The following PTPRN2 variants were observed in gnomAD, a reference collection of about 807,000 sequenced individuals.
PTPRN2 encodes protein tyrosine phosphatase receptor type N2.
In PTPRN2, 74 loss-of-function variants were observed where a neutral mutation model predicts 118.8. That is an observed-to-expected ratio of 0.62 (90% confidence interval 0.52 to 0.76). The LOEUF is 0.76. PTPRN2 is among the 30% of genes least tolerant of loss of function. PTPRN2 has a pLI of 0.00. For missense variants in PTPRN2, 1,481 were observed against 1,394.4 expected (o/e 1.06, Z -0.99); for synonymous variants, 641 against 608.0 (o/e 1.05, Z -0.80).
At chr7:157,908,588 C>G (rs1229365268) in intron 11 of PTPRN2, among the ~76,000 whole-genome samples, 3 of 152,250 alleles carry the variant, frequency 2.0e-5, no homozygotes, top group African/African-American at 7.2e-5. Context: ...CCCACAATCC[C>G]TTTCACTTTT....
chr7:158,291,796 G>A (rs1040390304), intron 3 of PTPRN2, among the ~76,000 whole-genome samples: 16 of 152,260 alleles, frequency 1.1e-4, no homozygotes, highest in African/African-American at 3.6e-4. Flanking sequence ...TTTACTCTTA[G>A]AGCCAGCTAA....
intron 3 of PTPRN2, among the ~76,000 whole-genome samples, chr7:158,235,624 T>C (rs1268143422): frequency 7.9e-5 from 12 of 152,148 alleles, no homozygotes; most frequent in Admixed American, 7.9e-4. Flanking sequence ...GGAGAGACAT[T>C]GACTAATGGC....
chr7:157,795,594 G>A (rs1046554919), intron 12 of PTPRN2, among the ~76,000 whole-genome samples: 1 of 152,232 alleles, frequency 6.6e-6, no homozygotes, highest in Non-Finnish European at 1.5e-5. Flanking sequence ...AACTAACGTT[G>A]CTGAGGTTGA....
At chr7:158,352,245 CGCTCCCCTCCTGACT>C (rs1425222708) in intron 2 of PTPRN2, among the ~76,000 whole-genome samples, 17 of 51,004 alleles carry the variant, frequency 3.3e-4, no homozygotes, top group Non-Finnish European at 5.0e-4. Flanking sequence ...CCCTCCTGTC[CGCTCCCCTCCTGACT>C]GCTCCCCTCC....
chr7:158,148,519 C>G (rs1304990737), intron 6 of PTPRN2, among the ~76,000 whole-genome samples: 201 of 128,974 alleles, frequency 1.6e-3, no homozygotes, highest in Non-Finnish European at 2.4e-3. Context: ...TCACTGACAC[C>G]CCATCTCACG....
chr7:157,868,607 C>T lies in PTPRN2; in HGVS notation c.1788+30066G>A, dbSNP rs969749267. The T allele has an allele frequency of 1.3e-5, 2 of 152,198 alleles. No individual in the cohort carries two copies. Among genetic ancestry groups the T allele is most frequent in the African/African-American group, 4.8e-5 (2 of 41,428 alleles). 9.4% of individuals were successfully genotyped at this position (152,198 alleles called of 1,614,324 possible). ...GGAGAAAAAGGTGCAGCCCATTTCC[C>T]AGCCTGAGGACTGGCCGGGGAAATA... On this transcript the variant is annotated intron_variant, in intron 12 of 22. Transcript: ENST00000389418. The surrounding 1 kb of genome is among the most constrained non-coding windows in gnomAD (Gnocchi z 5.2).
chr7:157,672,917 C>G (rs1221887966), intron 13 of PTPRN2, among the ~76,000 whole-genome samples: 1 of 152,234 alleles, frequency 6.6e-6, no homozygotes, highest in Non-Finnish European at 1.5e-5. Context: ...GAGGCGCACA[C>G]TAGCACAGAC....
At position 158,131,049 on chromosome 7, in the gene PTPRN2, T is replaced by TACAG. The variant is rs1473428881; in HGVS notation, c.1556+2624_1556+2627dup. Among the ~76,000 whole-genome samples, 191 of 66,090 alleles carry TACAG rather than the reference T, an allele frequency of 2.9e-3. 2 individuals are homozygous for TACAG. Among genetic ancestry groups the TACAG allele is most frequent in the African/African-American group, 1.0e-2 (166 of 16,658 alleles). 43.4% of individuals were successfully genotyped at this position (66,090 alleles called of 152,430 possible). Reference sequence around the variant, plus strand: ...ACACACACTTATACACACACGTACATACAGACACCTGCCCAACACACACAC... The same window carrying TACAG: ...ACACACACTTATACACACACGTACATACAGACAGACACCTGCCCAACACACACAC... On this transcript the variant is annotated intron_variant, in intron 9 of 22. Coordinates refer to ENST00000389418, the MANE Select transcript of PTPRN2 (RefSeq NM_002847.5).
At chr7:158,234,233 A>G (rs542028703) in intron 3 of PTPRN2, among the ~76,000 whole-genome samples, 8 of 152,258 alleles carry the variant, frequency 5.3e-5, no homozygotes, top group African/African-American at 1.7e-4. Context: ...CAAGGGATTA[A>G]TAACCAGAAT....
chr7:158,279,706 G>C (rs759345579), intron 3 of PTPRN2, among the ~76,000 whole-genome samples: 1 of 151,818 alleles, frequency 6.6e-6, no homozygotes. Flanking sequence ...GCTCCCATCC[G>C]CGCTTCTCCC....
At chr7:157,657,116 A>G (rs1157364314) in intron 13 of PTPRN2, among the ~76,000 whole-genome samples, 28 of 113,710 alleles carry the variant, frequency 2.5e-4, no homozygotes, top group African/African-American at 5.8e-4. Flanking sequence ...CACCACACAC[A>G]TCACACATAT....
At chr7:157,631,532 A>G (rs1479835241) in intron 14 of PTPRN2, among the ~76,000 whole-genome samples, 85 of 140,242 alleles carry the variant, frequency 6.1e-4, no homozygotes, top group South Asian at 2.1e-3. Context: ...CCCTGTCTCT[A>G]CTAAAAATAC....
intron 3 of PTPRN2, among the ~76,000 whole-genome samples, chr7:158,249,322 G>A (rs1017935807): frequency 9.9e-5 from 12 of 121,468 alleles, no homozygotes; most frequent in South Asian, 2.7e-4. Flanking sequence ...ACACCTGCAT[G>A]CACACACCCT....
chr7:158,094,772 C>A lies in PTPRN2; in HGVS notation c.1644-13395G>T, dbSNP rs1224826262. 2.0e-5 allele frequency among the ~76,000 whole-genome samples: 3 copies of A among 152,202 alleles called. No homozygotes were observed. In the East Asian group the frequency reaches 5.8e-4, roughly 29 times the overall value. On this transcript the variant is annotated intron_variant, in intron 10 of 22. Coordinates refer to ENST00000389418, the MANE Select transcript of PTPRN2 (RefSeq NM_002847.5). ...CGAAGCCTCAGCAGCTTGGCCACAG[C>A]CTTCGGTGCTGTAGGACAGGCAGGA...
intron 12 of PTPRN2, among the ~76,000 whole-genome samples, chr7:157,720,664 C>T (rs532007344): frequency 1.5e-4 from 23 of 152,192 alleles, no homozygotes; most frequent in Non-Finnish European, 2.1e-4. Context: ...CAGGTGCCCT[C>T]GTCTCCATCA....
intron 11 of PTPRN2, among the ~76,000 whole-genome samples, chr7:157,997,873 T>C (rs1413705846): frequency 1.4e-5 from 1 of 73,812 alleles, no homozygotes; most frequent in African/African-American, 5.7e-5. Flanking sequence ...GGGAGAGTAG[T>C]GCAGGGGAGA....
At chr7:158,063,228 A>G (rs1461930732) in intron 11 of PTPRN2, among the ~76,000 whole-genome samples, 2 of 151,908 alleles carry the variant, frequency 1.3e-5, no homozygotes, top group Non-Finnish European at 2.9e-5. Context: ...ATTTATGTCT[A>G]GCTAAGGGAC....
At chr7:158,071,051 ATGGTGGTGGAGGTG>A (rs1811391395) in intron 11 of PTPRN2, among the ~76,000 whole-genome samples, 1 of 24,240 alleles carries the variant, frequency 4.1e-5, no homozygotes, top group Non-Finnish European at 7.0e-5. Context: ...GGAGGTGCTC[ATGGTGGTGGAGGTG>A]CTCGTGGTGG....
intron 3 of PTPRN2, among the ~76,000 whole-genome samples, chr7:158,233,684 C>T (rs577263719): frequency 2.7e-4 from 41 of 152,280 alleles, no homozygotes; most frequent in African/African-American, 9.9e-4. Context: ...GCAAAAATAA[C>T]AAACATGGAG....
Sources: gnomAD v4.1 joint callset for allele counts (sites outside exome capture counted in the v4.1 genomes callset) on GRCh38, gnomAD v4.1.1 for gene constraint, Gnocchi (gnomAD v3.1) non-coding constraint, MANE v1.5 for transcripts, NCBI Gene and HGNC (gene_info 2026-07-23, HGNC 2026-07-21) for gene names.